The following MARCHF3 variants were observed in gnomAD, a reference collection of about 807,000 sequenced individuals.
The protein encoded by MARCHF3 is E3 ubiquitin-protein ligase MARCHF3.
A neutral mutation model predicts 24.2 loss-of-function variants in MARCHF3; 13 were observed. That is an observed-to-expected ratio of 0.54 (90% CI 0.35 to 0.85). MARCHF3 has a LOEUF of 0.85. MARCHF3 is among the 40% of genes least tolerant of loss of function. The pLI is 0.01. For synonymous variants in MARCHF3, 144 were observed against 137.3 expected, an observed-to-expected ratio of 1.05 and a Z score of -0.34; for missense variants, 276 against 325.0, an observed-to-expected ratio of 0.85 and a Z score of 1.16.
chr5:126,899,284 G>GCAAAGAATTGAGGGAGAGCCA, intron 3 of MARCHF3: 2 of 985,280 alleles, frequency 2.0e-6, no homozygotes, highest in Non-Finnish European at 2.4e-6. Flanking sequence ...AAAAAGTGAG[G>GCAAAGAATTGAGGGAGAGCCA]CAAAGAATTG....
At chr5:127,012,143 C>T (rs772501667) in intron 1 of MARCHF3, among the ~76,000 whole-genome samples, 7 of 152,156 alleles carry the variant, frequency 4.6e-5, no homozygotes, top group Non-Finnish European at 7.4e-5. Flanking sequence ...TGTGATTTTC[C>T]AACTGGGGCT....
intron 4 of MARCHF3, among the ~76,000 whole-genome samples, chr5:126,874,736 CCTAT>C (rs1753090172): frequency 6.6e-6 from 1 of 152,156 alleles, no homozygotes; most frequent in African/African-American, 2.4e-5. Context: ...GCCCAGCTCA[CCTAT>C]CTATCTCTGA....
intron 3 of MARCHF3, among the ~76,000 whole-genome samples, chr5:126,892,466 A>C (rs1247038436): frequency 2.0e-5 from 3 of 147,966 alleles, no homozygotes; most frequent in Non-Finnish European, 4.4e-5. Flanking sequence ...ACGTCCCATC[A>C]ATACCTAATT....
chr5:126,971,114 C>G (rs1415083205), intron 1 of MARCHF3, among the ~76,000 whole-genome samples: 1 of 152,080 alleles, frequency 6.6e-6, no homozygotes, highest in Non-Finnish European at 1.5e-5. Context: ...TACCTGAAGT[C>G]AACTAATTAC....
At chr5:127,014,586 A>C (rs1752574511) in intron 1 of MARCHF3, among the ~76,000 whole-genome samples, 1 of 152,234 alleles carries the variant, frequency 6.6e-6, no homozygotes, top group Admixed American at 6.5e-5. Flanking sequence ...ATGGATTAAA[A>C]AATGTGGTAT....
At chr5:126,919,871 T>C (rs1304584481) in intron 1 of MARCHF3, among the ~76,000 whole-genome samples, 1 of 152,122 alleles carries the variant, frequency 6.6e-6, no homozygotes, top group Non-Finnish European at 1.5e-5. Flanking sequence ...GAACCCACAG[T>C]GGGGAGACGG....
intron 1 of MARCHF3, among the ~76,000 whole-genome samples, chr5:126,929,909 T>A (rs2126803043): frequency 6.6e-6 from 1 of 152,302 alleles, no homozygotes; most frequent in Middle Eastern, 3.4e-3. Context: ...GTTTGCTGCC[T>A]TGCAAGACGT....
At chr5:126,902,195 C>T (rs1386409552) in intron 3 of MARCHF3, among the ~76,000 whole-genome samples, 1 of 152,114 alleles carries the variant, frequency 6.6e-6, no homozygotes, top group Non-Finnish European at 1.5e-5. Context: ...TCAGTGAAGA[C>T]CACGGTTTTC....
intron 2 of MARCHF3, 134 bp from the exon 3 acceptor site, chr5:126,915,268 T>C (rs1580637564): frequency 1.3e-6 from 1 of 797,720 alleles, no homozygotes; most frequent in East Asian, 2.7e-5. Flanking sequence ...ACACTTGACC[T>C]TGGCAATGGG....
chr5:126,907,817 T>G, intron 3 of MARCHF3, among the ~76,000 whole-genome samples: 1 of 151,342 alleles, frequency 6.6e-6, no homozygotes, highest in African/African-American at 2.4e-5. Context: ...TTAGTCCATT[T>G]ACATTTAAAG....
chr5:127,010,055 T>C (rs1752429327), intron 1 of MARCHF3, among the ~76,000 whole-genome samples: 2 of 152,208 alleles, frequency 1.3e-5, no homozygotes, highest in Admixed American at 1.3e-4. Context: ...TCCTGGTGAC[T>C]TTCTACATCC....
At chr5:126,931,927 TG>T (rs1749491877) in intron 1 of MARCHF3, among the ~76,000 whole-genome samples, 1 of 152,232 alleles carries the variant, frequency 6.6e-6, no homozygotes, top group African/African-American at 2.4e-5. Flanking sequence ...TTAGATACCT[TG>T]GGTTTGAATC....
intron 1 of MARCHF3, among the ~76,000 whole-genome samples, chr5:126,953,844 T>C (rs1426642363): frequency 3.3e-5 from 5 of 152,242 alleles, no homozygotes; most frequent in Non-Finnish European, 7.3e-5. Context: ...GTTGGACTTC[T>C]AGGATTGGAT....
At chr5:127,010,678 A>C (rs1752443281) in intron 1 of MARCHF3, among the ~76,000 whole-genome samples, 1 of 152,254 alleles carries the variant, frequency 6.6e-6, no homozygotes, top group East Asian at 1.9e-4. Flanking sequence ...AGATGGAATA[A>C]AGACTAAAAA....
intron 1 of MARCHF3, among the ~76,000 whole-genome samples, chr5:126,948,003 C>T (rs1750088437): frequency 6.6e-6 from 1 of 152,076 alleles, no homozygotes; most frequent in Non-Finnish European, 1.5e-5. Flanking sequence ...TCCTACCATG[C>T]CTCTCAACTT....
intron 1 of MARCHF3, among the ~76,000 whole-genome samples, chr5:126,956,503 G>C (rs555380091): frequency 4.6e-5 from 7 of 151,848 alleles, no homozygotes; most frequent in African/African-American, 1.7e-4. Context: ...AAATTAGCCA[G>C]GTGTGGTGGC....
intron 1 of MARCHF3, among the ~76,000 whole-genome samples, chr5:126,991,491 T>C (rs553768634): frequency 5.1e-4 from 78 of 152,286 alleles, no homozygotes; most frequent in Non-Finnish European, 9.0e-4. Context: ...GGCACATGTA[T>C]ACCTATGTAA....
rs572360483 is a variant in MARCHF3 at position 126,955,775 on chromosome 5, C to T, written c.-56-37548G>A. 2.0e-5 allele frequency among the ~76,000 whole-genome samples: 3 copies of T among 152,256 alleles called. No individual in the cohort carries two copies. The East Asian group carries it at 5.8e-4, about 29-fold the overall frequency. ...GTTCAGAGTTTGTCTTTTAGCTTTA[C>T]TCATAGAGGCTTTTGCATAAAATAG... On this transcript the variant is annotated intron_variant, in intron 1 of 4. Transcript: ENST00000308660.
At chr5:126,986,822 T>C (rs2126839782) in intron 1 of MARCHF3, among the ~76,000 whole-genome samples, 1 of 152,280 alleles carries the variant, frequency 6.6e-6, no homozygotes, top group Middle Eastern at 3.4e-3. Context: ...CTCTGGACTC[T>C]AAGAGAATAA....
Sources: gnomAD v4.1 joint callset for allele counts (sites outside exome capture counted in the v4.1 genomes callset) on GRCh38, gnomAD v4.1.1 for gene constraint, MANE v1.5 for transcripts, NCBI Gene and HGNC (gene_info 2026-07-23, HGNC 2026-07-21) for gene names.